Variants in ROBO2 observed in about 807,000 individuals in gnomAD.
ROBO2 encodes the protein roundabout homolog 2.
A neutral mutation model predicts 160.8 loss-of-function variants in ROBO2; 53 were observed. The ratio of observed to expected loss-of-function variants is 0.33; its 90% CI spans 0.26 to 0.41. ROBO2 has a LOEUF of 0.41. Ranked by LOEUF, ROBO2 falls within the 10% of genes least tolerant of loss-of-function variation. The pLI, the probability that ROBO2 is intolerant of heterozygous loss-of-function variation, is 1.00. For missense variants in ROBO2, 1,577 were observed against 1,722.4 expected, an observed-to-expected ratio of 0.92 and a Z score of 1.49; for synonymous variants, 664 against 611.7, an observed-to-expected ratio of 1.09 and a Z score of -1.26.
At chr3:76,534,644 T>G (rs1362355691) in intron 2 of ROBO2, among the ~76,000 whole-genome samples, 1 of 152,142 alleles carries the variant, frequency 6.6e-6, no homozygotes, top group Non-Finnish European at 1.5e-5. Flanking sequence ...TATGTTGTGC[T>G]GGATGCTGGT....
chr3:76,107,137 G>GT (rs1156779721), intron 2 of ROBO2, among the ~76,000 whole-genome samples: 1 of 152,086 alleles, frequency 6.6e-6, no homozygotes, highest in Admixed American at 6.6e-5. Context: ...ATGAGAAGAT[G>GT]TTATCTCCAG....
intron 2 of ROBO2, among the ~76,000 whole-genome samples, chr3:76,482,495 T>G (rs1226814506): frequency 2.0e-5 from 3 of 152,192 alleles, no homozygotes; most frequent in Non-Finnish European, 2.9e-5. Context: ...ACAAGGATAC[T>G]ATAATTGCCC....
At chr3:77,469,632 C>T (rs1307216244) in intron 2 of ROBO2, among the ~76,000 whole-genome samples, 1 of 152,094 alleles carries the variant, frequency 6.6e-6, no homozygotes, top group African/African-American at 2.4e-5. Flanking sequence ...CTGTTCTATT[C>T]CTTGAGTCGT....
intron 2 of ROBO2, among the ~76,000 whole-genome samples, chr3:76,249,961 A>G (rs1389855343): frequency 2.0e-5 from 3 of 152,048 alleles, no homozygotes; most frequent in Non-Finnish European, 4.4e-5. Context: ...AGTCTTTAAT[A>G]TGTTAAGGTA....
chr3:77,145,480 C>G (rs1423753627), intron 2 of ROBO2, among the ~76,000 whole-genome samples: 8 of 152,216 alleles, frequency 5.3e-5, no homozygotes, highest in Admixed American at 3.9e-4. Context: ...TTCTAAATAG[C>G]TTTATACAAT....
At chr3:77,564,470 A>T (rs2153663399) in intron 11 of ROBO2, 1 of 455,908 alleles carries the variant, frequency 2.2e-6, no homozygotes, top group Non-Finnish European at 4.4e-6. Flanking sequence ...TAGAAGGCTC[A>T]GTTATAATAT....
At chr3:76,676,310 C>T (rs571864322) in intron 2 of ROBO2, among the ~76,000 whole-genome samples, 65 of 152,190 alleles carry the variant, frequency 4.3e-4, no homozygotes, top group Non-Finnish European at 7.9e-4. Flanking sequence ...CTTCACTTTG[C>T]ACTTCTCCTT....
At chr3:76,412,315 CA>C (rs1455829647) in intron 2 of ROBO2, among the ~76,000 whole-genome samples, 2 of 152,152 alleles carry the variant, frequency 1.3e-5, no homozygotes, top group African/African-American at 4.8e-5. Flanking sequence ...GAAACACAGC[CA>C]AACCATATCA....
intron 2 of ROBO2, among the ~76,000 whole-genome samples, chr3:76,928,716 A>G (rs922916675): frequency 3.3e-5 from 5 of 152,070 alleles, no homozygotes; most frequent in African/African-American, 1.2e-4. Context: ...CTTCCTCTCT[A>G]TCAACCACTT....
intron 2 of ROBO2, among the ~76,000 whole-genome samples, chr3:76,406,102 A>G (rs2078110302): frequency 6.6e-6 from 1 of 151,802 alleles, no homozygotes; most frequent in African/African-American, 2.4e-5. Context: ...TCATTTCAGT[A>G]TTGATTGTAT....
At chr3:76,427,805 C>G (rs532735830) in intron 2 of ROBO2, among the ~76,000 whole-genome samples, 1 of 152,042 alleles carries the variant, frequency 6.6e-6, no homozygotes, top group Non-Finnish European at 1.5e-5. Context: ...GAGAAGGCTT[C>G]TTTTTCAGAT....
chr3:76,210,113 T>A (rs1703051443), intron 2 of ROBO2, among the ~76,000 whole-genome samples: 1 of 152,106 alleles, frequency 6.6e-6, no homozygotes, highest in Non-Finnish European at 1.5e-5. Context: ...GTTACAGGAA[T>A]GACAAAGAAC....
intron 2 of ROBO2, among the ~76,000 whole-genome samples, chr3:76,853,460 A>G (rs988514935): frequency 2.0e-5 from 3 of 152,122 alleles, no homozygotes; most frequent in Admixed American, 2.0e-4. Context: ...TTATGTCATT[A>G]TATGCTAACA....
chr3:76,046,540 C>T (rs1296338654), intron 2 of ROBO2, among the ~76,000 whole-genome samples: 2 of 151,758 alleles, frequency 1.3e-5, no homozygotes, highest in East Asian at 3.9e-4. Flanking sequence ...CCCAGCTACT[C>T]GGGAGGCTGA....
chr3:76,817,942 G>T (rs796272431), intron 2 of ROBO2, among the ~76,000 whole-genome samples: 21 of 150,768 alleles, frequency 1.4e-4, no homozygotes, highest in African/African-American at 4.6e-4. Context: ...TTGCAATTGC[G>T]AATTATGCTA....
chr3:75,986,211 G>GTTTT lies in ROBO2; in HGVS notation c.109+48615_109+48618dup, dbSNP rs74843598. On this transcript the variant is annotated intron_variant, in intron 2 of 26. Coordinates refer to the ROBO2 transcript ENST00000487694. ...TTCTTGCCAACAATTGTTATTTTCTGTTTTTTTTTAATAGTAACTATCATC... is the reference window on the plus strand; with the variant it reads ...TTCTTGCCAACAATTGTTATTTTCTGTTTTTTTTTTTTTAATAGTAACTATCATC... Among the ~76,000 whole-genome samples, 173 of 150,046 alleles carry GTTTT rather than the reference G, an allele frequency of 1.2e-3. 2 individuals are homozygous for GTTTT. In the East Asian group the frequency reaches 0.03, roughly 26 times the overall value.
chr3:76,403,424 C>A (rs1019660374), intron 2 of ROBO2, among the ~76,000 whole-genome samples: 1 of 151,602 alleles, frequency 6.6e-6, no homozygotes, highest in African/African-American at 2.4e-5. Flanking sequence ...GGCATTCATT[C>A]TTTTCTCTCA....
chr3:76,590,517 T>C (rs1293891420), intron 2 of ROBO2, among the ~76,000 whole-genome samples: 1 of 152,126 alleles, frequency 6.6e-6, no homozygotes, highest in Admixed American at 6.5e-5. Context: ...CAGAGTAAAA[T>C]GTTTGAGTTG....
chr3:77,063,302 C>A (rs1270549742), intron 1 of ROBO2, among the ~76,000 whole-genome samples: 1 of 151,980 alleles, frequency 6.6e-6, no homozygotes, highest in African/African-American at 2.4e-5. Flanking sequence ...CTCTCTCATG[C>A]AATTCTTGAT....
Sources: gnomAD v4.1 joint callset for allele counts (sites outside exome capture counted in the v4.1 genomes callset) on GRCh38, gnomAD v4.1.1 for gene constraint, MANE v1.5 for transcripts, NCBI Gene and HGNC (gene_info 2026-07-23, HGNC 2026-07-21) for gene names.